The following PRIM2 variants were observed in gnomAD, a reference collection of about 807,000 sequenced individuals.
PRIM2 encodes DNA primase large subunit.
Under a neutral mutation model 67.3 loss-of-function variants are expected in PRIM2, and 39 were observed. That is an observed-to-expected ratio of 0.58 (90% confidence interval 0.45 to 0.76). The LOEUF (loss-of-function observed/expected upper bound fraction) is 0.76, where lower values mean the gene tolerates loss of function less well. PRIM2 is among the 30% of genes least tolerant of loss of function. The pLI, the probability that PRIM2 is intolerant of heterozygous loss-of-function variation, is 0.00. For synonymous variants in PRIM2, 143 were observed against 198.7 expected (o/e 0.72, Z 2.36); for missense variants, 398 against 598.7 (o/e 0.66, Z 3.50).
chr6:57,583,278 C>T (rs1342460257), intron 10 of PRIM2, among the ~76,000 whole-genome samples: 2 of 147,862 alleles, frequency 1.4e-5, no homozygotes, highest in African/African-American at 5.0e-5. Context: ...ACTGCACCCA[C>T]TAACTCGTCA....
chr6:57,623,175 C>T (rs1207259393), intron 12 of PRIM2, among the ~76,000 whole-genome samples: 8 of 152,106 alleles, frequency 5.3e-5, no homozygotes, highest in South Asian at 2.1e-4. Context: ...AAATGTGTAA[C>T]GTTCTTGGTA....
At chr6:57,623,875 CTTCTTAA>C (rs1306652791) in intron 12 of PRIM2, among the ~76,000 whole-genome samples, 2 of 151,972 alleles carry the variant, frequency 1.3e-5, no homozygotes, top group African/African-American at 4.8e-5. Context: ...ATTATTTTTA[CTTCTTAA>C]TTCTTAAGTG....
At chr6:57,537,193 A>G (rs1183263866) in intron 9 of PRIM2, among the ~76,000 whole-genome samples, 4 of 152,200 alleles carry the variant, frequency 2.6e-5, no homozygotes, top group African/African-American at 9.6e-5. Context: ...GGTAAAATAA[A>G]TTTTAATAGT....
At chr6:57,380,500 G>C (rs1769924295) in intron 6 of PRIM2, among the ~76,000 whole-genome samples, 1 of 152,054 alleles carries the variant, frequency 6.6e-6, no homozygotes, top group African/African-American at 2.4e-5. Context: ...CCATCATCCT[G>C]TGCTTGGCCA....
chr6:57,269,416 G>C, the PRIM2 span, among the ~76,000 whole-genome samples: 3,061 of 151,982 alleles, frequency 0.02, 96 homozygotes, highest in African/African-American at 0.069. Flanking sequence ...GTGTTTTTTG[G>C]CTGCATAAAT....
the PRIM2 span, among the ~76,000 whole-genome samples, chr6:57,250,957 G>A: frequency 5.9e-5 from 9 of 152,142 alleles, no homozygotes; most frequent in Admixed American, 1.3e-4. Context: ...CTGATACAAC[G>A]CAAATATTCC....
intron 7 of PRIM2, among the ~76,000 whole-genome samples, chr6:57,414,732 A>G (rs1274651226): frequency 3.9e-5 from 6 of 152,086 alleles, no homozygotes; most frequent in Non-Finnish European, 8.8e-5. Flanking sequence ...ACTGTTATGT[A>G]TTGGATATTT....
At chr6:57,361,818 G>C (rs541690067) in intron 5 of PRIM2, among the ~76,000 whole-genome samples, 1 of 152,238 alleles carries the variant, frequency 6.6e-6, no homozygotes, top group South Asian at 2.1e-4. Context: ...AAGAGAGCAG[G>C]AAAAGACTGA....
At chr6:57,641,329 G>A (rs1582033626) in intron 13 of PRIM2, among the ~76,000 whole-genome samples, 1 of 152,054 alleles carries the variant, frequency 6.6e-6, no homozygotes. Context: ...ATAGGCATGG[G>A]CAAAGACTTC....
At chr6:57,382,589 CTG>C (rs1770000473) in intron 7 of PRIM2, 1 of 153,714 alleles carries the variant, frequency 6.5e-6, no homozygotes, top group Admixed American at 6.5e-5. Context: ...AGTACTAACA[CTG>C]TGATATGCTA....
chr6:57,630,737 A>G (rs1777025485), intron 12 of PRIM2, among the ~76,000 whole-genome samples: 2 of 152,270 alleles, frequency 1.3e-5, no homozygotes, highest in Admixed American at 1.3e-4. Context: ...TTCAGATATT[A>G]ATATATTATT....
At chr6:57,644,361 A>C (rs1479484791) in intron 13 of PRIM2, among the ~76,000 whole-genome samples, 43 of 151,990 alleles carry the variant, frequency 2.8e-4, no homozygotes, top group African/African-American at 9.4e-4. Flanking sequence ...CTCAAATAGC[A>C]CTCCTCTTAC....
chr6:57,305,843 T>C, the PRIM2 span, among the ~76,000 whole-genome samples: 1 of 152,224 alleles, frequency 6.6e-6, no homozygotes, highest in African/African-American at 2.4e-5. Context: ...AAAATAGGTA[T>C]TTCTTATAAT....
chr6:57,450,364 A>G (rs1241967821), intron 7 of PRIM2, among the ~76,000 whole-genome samples: 60 of 152,204 alleles, frequency 3.9e-4, no homozygotes, highest in Non-Finnish European at 4.4e-5. Context: ...AATTTACTAA[A>G]GAATTCATTG....
At chr6:57,236,668 T>C in the PRIM2 span, among the ~76,000 whole-genome samples, 1 of 152,140 alleles carries the variant, frequency 6.6e-6, no homozygotes, top group Non-Finnish European at 1.5e-5. Flanking sequence ...ATGCGGTGTT[T>C]GGTTTTTTGT....
In PRIM2 at chr6:57,593,522, C is replaced by T. The variant is rs1776317626; in HGVS notation, c.1021-7571C>T. Among the ~76,000 whole-genome samples, 3 of 152,262 alleles carry T rather than the reference C, an allele frequency of 2.0e-5. No homozygotes were observed. In the South Asian group the frequency reaches 6.2e-4, roughly 32 times the overall value. ...TTCACCATGTTGGCCAGGCTGGTCT[C>T]GAACTCCTGACCTCAAGTGATCCAT... On this transcript the variant is annotated intron_variant, in intron 10 of 13. Coordinates refer to ENST00000615550, the MANE Select transcript of PRIM2 (RefSeq NM_000947.5).
chr6:57,429,293 G>GA (rs1438999137), intron 7 of PRIM2, among the ~76,000 whole-genome samples: 3 of 152,178 alleles, frequency 2.0e-5, no homozygotes, highest in Non-Finnish European at 4.4e-5. Context: ...ATTACTAAGA[G>GA]AAAACATCAA....
chr6:57,380,132 A>C, intron 6 of PRIM2, 136 bp downstream of exon 6: 11 of 656,784 alleles, frequency 1.7e-5, no homozygotes, highest in African/African-American at 3.7e-5. Flanking sequence ...TACTGTCCTC[A>C]TTGCACTAAT....
At chr6:57,297,161 A>G in the PRIM2 span, among the ~76,000 whole-genome samples, 4 of 152,142 alleles carry the variant, frequency 2.6e-5, no homozygotes, top group Non-Finnish European at 4.4e-5. Flanking sequence ...ATAGAAAAAT[A>G]TCGAGTGCAG....
Sources: allele counts gnomAD v4.1 joint callset (sites outside exome capture counted in the v4.1 genomes callset), GRCh38; gene constraint gnomAD v4.1.1; transcripts MANE v1.5; gene names NCBI Gene and HGNC (gene_info 2026-07-23, HGNC 2026-07-21).